The following RERE variants were observed in gnomAD, a reference collection of about 807,000 sequenced individuals.
The protein encoded by RERE is arginine-glutamic acid dipeptide repeats protein.
A neutral mutation model predicts 146.1 loss-of-function variants in RERE; 40 were observed. The ratio of observed to expected loss-of-function variants is 0.27; its 90% CI spans 0.21 to 0.36. The LOEUF (loss-of-function observed/expected upper bound fraction) is 0.36. RERE is among the 10% of genes least tolerant of loss of function. RERE has a pLI of 1.00. For missense variants in RERE, 1,933 were observed against 2,138.7 expected (o/e 0.90, Z 1.90); for synonymous variants, 1,003 against 866.0 (o/e 1.16, Z -2.78).
chr1:8,476,081 G>A (rs958796921), intron 10 of RERE, among the ~76,000 whole-genome samples: 1 of 152,184 alleles, frequency 6.6e-6, no homozygotes, highest in African/African-American at 2.4e-5. Context: ...AATGTTCCAG[G>A]AATTATGCGC....
chr1:8,608,802 T>C (rs1485318404), intron 4 of RERE, among the ~76,000 whole-genome samples: 4 of 152,208 alleles, frequency 2.6e-5, no homozygotes, highest in Admixed American at 1.3e-4. Flanking sequence ...TAAGAATAAA[T>C]TGACTGGGCA....
chr1:8,644,502 C>T (rs1016431016), intron 2 of RERE, among the ~76,000 whole-genome samples: 2 of 152,164 alleles, frequency 1.3e-5, no homozygotes, highest in Non-Finnish European at 2.9e-5. Context: ...GTTATGTGAT[C>T]AATGTACACC....
intron 12 of RERE, chr1:8,380,937 G>A (rs1408860520): frequency 1.3e-5 from 6 of 456,484 alleles, no homozygotes; most frequent in East Asian, 1.4e-4. Flanking sequence ...TACCACGTTC[G>A]GCTTCTTGAG....
At chr1:8,494,122 T>C (rs1290751278) in intron 10 of RERE, among the ~76,000 whole-genome samples, 1 of 152,236 alleles carries the variant, frequency 6.6e-6, no homozygotes, top group African/African-American at 2.4e-5. Context: ...TATGATGGTA[T>C]GTCATGCAAC....
chr1:8,552,286 C>G (rs1645944752), intron 6 of RERE, among the ~76,000 whole-genome samples: 1 of 152,230 alleles, frequency 6.6e-6, no homozygotes, highest in Admixed American at 6.5e-5. Context: ...CCTTATACAT[C>G]AGTTTCCTCC....
chr1:8,746,156 T>TTC (rs1428989929), intron 1 of RERE, among the ~76,000 whole-genome samples: 1 of 152,252 alleles, frequency 6.6e-6, no homozygotes, highest in Non-Finnish European at 1.5e-5. Flanking sequence ...ACAATCAGAA[T>TTC]TATTTGTTGC....
chr1:8,621,492 G>A (rs116202170), intron 3 of RERE, among the ~76,000 whole-genome samples: 2,315 of 152,094 alleles, frequency 0.015, 61 homozygotes, highest in African/African-American at 0.053. Context: ...GTATCATAAC[G>A]GGCATTCACC....
At chr1:8,520,558 G>A (rs7519543) in intron 7 of RERE, among the ~76,000 whole-genome samples, 3,456 of 152,002 alleles carry the variant, frequency 0.023, 114 homozygotes, top group African/African-American at 0.079. Context: ...ACTTTGCTCC[G>A]TTGTCTAAAT....
intron 12 of RERE, among the ~76,000 whole-genome samples, chr1:8,369,950 G>A (rs907901678): frequency 4.0e-5 from 6 of 151,860 alleles, no homozygotes; most frequent in South Asian, 2.1e-4. Flanking sequence ...CCACCAGCCC[G>A]GCTAATTTTT....
chr1:8,647,641 ATGTGTG>A (rs1553127411), intron 2 of RERE, among the ~76,000 whole-genome samples: 3,821 of 148,592 alleles, frequency 0.026, 145 homozygotes, highest in African/African-American at 0.088. Context: ...TAAAATATGT[ATGTGTG>A]TGTGTGTGTG....
At chr1:8,560,229 G>A (rs1262199070) in intron 4 of RERE, among the ~76,000 whole-genome samples, 7 of 152,082 alleles carry the variant, frequency 4.6e-5, no homozygotes, top group Non-Finnish European at 1.0e-4. Flanking sequence ...TCTTTGTTGT[G>A]GGGATCTGCC....
At chr1:8,764,812 C>T (rs966351053) in intron 1 of RERE, among the ~76,000 whole-genome samples, 1 of 152,154 alleles carries the variant, frequency 6.6e-6, no homozygotes, top group African/African-American at 2.4e-5. Context: ...CACTTCACAC[C>T]CATCAGAATG....
intron 1 of RERE, among the ~76,000 whole-genome samples, chr1:8,785,533 T>C (rs1270560087): frequency 6.6e-6 from 1 of 152,258 alleles, no homozygotes; most frequent in Admixed American, 6.5e-5. Flanking sequence ...CCTGGTTCCA[T>C]TCTCCAACAG....
At chr1:8,774,937 T>C (rs1291351077) in intron 1 of RERE, among the ~76,000 whole-genome samples, 1 of 139,054 alleles carries the variant, frequency 7.2e-6, no homozygotes, top group Non-Finnish European at 1.5e-5. Context: ...CATAGTAGCA[T>C]TTCTTCTTTC....
At chr1:8,416,586 C>CAAAAAAAAAAA (rs5772324) in intron 12 of RERE, among the ~76,000 whole-genome samples, 7 of 105,896 alleles carry the variant, frequency 6.6e-5, no homozygotes, top group Admixed American at 1.0e-4. Flanking sequence ...ACTCCATCTC[C>CAAAAAAAAAAA]AAAAAAAAAA....
intron 2 of RERE, among the ~76,000 whole-genome samples, chr1:8,637,316 G>T (rs1207335278): frequency 6.6e-6 from 1 of 152,148 alleles, no homozygotes; most frequent in Non-Finnish European, 1.5e-5. Context: ...CTCTCCTGCA[G>T]ACTGCCTGGC....
intron 2 of RERE, among the ~76,000 whole-genome samples, chr1:8,649,868 C>T (rs1341042807): frequency 1.3e-5 from 2 of 151,536 alleles, no homozygotes; most frequent in Admixed American, 6.6e-5. Flanking sequence ...CTTATTAATC[C>T]TAATAAAATT....
At chr1:8,483,653 G>C (rs2124189679) in intron 10 of RERE, among the ~76,000 whole-genome samples, 1 of 152,246 alleles carries the variant, frequency 6.6e-6, no homozygotes, top group East Asian at 1.9e-4. Flanking sequence ...CATGTGTCAG[G>C]CATCAGACTA....
At chr1:8,383,025 A>G (rs904690083) in intron 12 of RERE, among the ~76,000 whole-genome samples, 1 of 152,006 alleles carries the variant, frequency 6.6e-6, no homozygotes, top group Non-Finnish European at 1.5e-5. Flanking sequence ...AAAAAAAAAA[A>G]AAGTCTTTCA....
Sources: gnomAD v4.1 joint callset for allele counts (sites outside exome capture counted in the v4.1 genomes callset) on GRCh38, gnomAD v4.1.1 for gene constraint, MANE v1.5 for transcripts, NCBI Gene and HGNC (gene_info 2026-07-23, HGNC 2026-07-21) for gene names.